CLCA1: variants seen among roughly 807,000 people sequenced by gnomAD.
CLCA1 encodes the protein calcium-activated chloride channel regulator 1.
A neutral mutation model predicts 85.6 loss-of-function variants in CLCA1; 59 were observed. That is an observed-to-expected ratio of 0.69 (90% confidence interval 0.56 to 0.86). The LOEUF (loss-of-function observed/expected upper bound fraction) is 0.86, where lower values mean the gene tolerates loss of function less well. Among genes scored for constraint, CLCA1 ranks in the 40% least tolerant of loss-of-function variants. The pLI, the probability that CLCA1 is intolerant of heterozygous loss-of-function variation, is 0.00. For missense variants in CLCA1, 1,022 were observed against 1,101.4 expected (o/e 0.93, Z 1.02); for synonymous variants, 396 against 398.3 (o/e 0.99, Z 0.07).
chr1:86,498,100 G>A (rs1009156497), intron 12 of CLCA1, among the ~76,000 whole-genome samples: 9 of 150,726 alleles, frequency 6.0e-5, no homozygotes, highest in Admixed American at 1.3e-4. Context: ...CCAAGATTGC[G>A]CCACACCAGC....
chr1:86,499,497 C>A (rs1472380959), intron 13 of CLCA1, among the ~76,000 whole-genome samples, 157 bp from the exon 14 acceptor site: 1 of 152,192 alleles, frequency 6.6e-6, no homozygotes, highest in Non-Finnish European at 1.5e-5. Flanking sequence ...TCCTTGTAAA[C>A]AGGACCATCA....
intron 3 of CLCA1, among the ~76,000 whole-genome samples, chr1:86,476,199 T>C (rs1312103263): frequency 6.6e-6 from 1 of 152,188 alleles, no homozygotes; most frequent in Non-Finnish European, 1.5e-5. Flanking sequence ...TATGTGAGGA[T>C]AGGGCAGCTG....
Position 86,485,602 on chromosome 1 carries a change from G to T in CLCA1, c.954+41G>T, listed in dbSNP as rs372056905. The stretch of plus-strand genomic sequence containing the variant: ...CTTGGTCTTCTGGATGCTGGTCACA[G>T]ATATGCATGTTCTGGACCCTGACTC... On this transcript the variant is annotated intron_variant, in intron 6 of 13. Coordinates refer to ENST00000394711, the MANE Select transcript of CLCA1 (RefSeq NM_001285.4). The T allele has an allele frequency of 6.1e-5, 96 of 1,563,306 alleles. No homozygotes were observed. The Middle Eastern group carries it at 2.9e-3, about 47-fold the overall frequency.
chr1:86,494,916 C>T (rs1211625883), intron 11 of CLCA1, among the ~76,000 whole-genome samples: 4 of 152,032 alleles, frequency 2.6e-5, no homozygotes, highest in African/African-American at 9.7e-5. Context: ...CAAGCACAGT[C>T]CTATATGATT....
chr1:86,476,644 G>C, intron 4 of CLCA1, 91 bp downstream of exon 4: 1 of 556,230 alleles, frequency 1.8e-6, no homozygotes, highest in Non-Finnish European at 3.2e-6. Flanking sequence ...GTGTGTCCTG[G>C]CTTATTTTCT....
intron 8 of CLCA1, among the ~76,000 whole-genome samples, chr1:86,490,323 T>G (rs1026904910): frequency 1.3e-5 from 2 of 152,222 alleles, no homozygotes; most frequent in Non-Finnish European, 2.9e-5. Context: ...TCAACAGCCT[T>G]ACTGAAATTA....
rs1648194887 is a variant in CLCA1, at chr1:86,493,595, C to T, written c.1676C>T (p.Ala559Val). Residue 559 changes from alanine to valine, a missense_variant, in exon 10 of 14, where the codon GCT (alanine) becomes GTT (valine). Coordinates refer to ENST00000394711, the MANE Select transcript of CLCA1 (RefSeq NM_001285.4). ...KMAYLQIPGI[A>V]KVGTWKYSLQ... Reference sequence around the variant, plus strand: ...GCCTACCTCCAAATCCCAGGCATTGCTAAGGTATGGAGTCAGCTTTTTTTC... The same window carrying T: ...GCCTACCTCCAAATCCCAGGCATTGTTAAGGTATGGAGTCAGCTTTTTTTC... 2 of 1,611,228 alleles carry T rather than the reference C, an allele frequency of 1.2e-6. No homozygotes were observed. Among genetic ancestry groups the T allele is most frequent in the South Asian group, 1.1e-5 (1 of 91,020 alleles).
At position 86,499,757 on chromosome 1, in the gene CLCA1, C is replaced by A. The variant is rs1648406255; in HGVS notation, c.2457C>A (p.Ala819=). 1 of 1,613,272 alleles carries A rather than the reference C, an allele frequency of 6.2e-7. No homozygotes were observed. Among genetic ancestry groups the A allele is most frequent in the Admixed American group, 1.7e-5 (1 of 60,014 alleles). The change falls in exon 14 of 14, where the codon GCC becomes GCA. Residue 819 remains alanine, a synonymous_variant. Coordinates refer to ENST00000394711, the MANE Select transcript of CLCA1 (RefSeq NM_001285.4). ...CTACTGCTCTCATCCCAAAGGAAGC[C>A]AACTCTGAGGAAGTCTTTTTGTTTA... ...VNTTALIPKE[A]NSEEVFLFKP...
At chr1:86,488,723 G>A (rs1390849809) in intron 7 of CLCA1, among the ~76,000 whole-genome samples, 2 of 152,138 alleles carry the variant, frequency 1.3e-5, no homozygotes, top group Non-Finnish European at 2.9e-5. Flanking sequence ...CTTCTTTGCT[G>A]TTTCCCCAGT....
chr1:86,494,391 C>T lies in CLCA1; in HGVS notation c.1885C>T (p.Leu629=). The part of the protein sequence containing the change: ...SPILRASVTA[L]IESVNGKTVT... Reference sequence around the variant, plus strand: ...AATTCTCAGGGCCAGTGTCACAGCCCTGATTGAATCAGTGAATGGAAAAAC... The same window carrying T: ...AATTCTCAGGGCCAGTGTCACAGCCTTGATTGAATCAGTGAATGGAAAAAC... Residue 629 remains leucine, a synonymous_variant, in exon 11 of 14, where the codon CTG becomes TTG. Coordinates refer to ENST00000394711, the MANE Select transcript of CLCA1 (RefSeq NM_001285.4). 1.2e-6 allele frequency: 2 copies of T among 1,614,198 alleles called. No homozygotes were observed. The highest frequency in any genetic ancestry group is 1.7e-6 in the Non-Finnish European group (2 of 1,180,020).
At chr1:86,490,878 T>C (rs2791500) in intron 8 of CLCA1, among the ~76,000 whole-genome samples, 61,489 of 134,458 alleles carry the variant, frequency 0.46, 13,508 homozygotes, top group Middle Eastern at 0.56. Flanking sequence ...CCAGCCTGAG[T>C]AACATGGCAA....
In CLCA1 at chr1:86,469,089, G is replaced by A. The variant is rs765003183; in HGVS notation, c.118G>A (p.Asp40Asn). 25 of 1,611,388 alleles carry A rather than the reference G, an allele frequency of 1.6e-5. No homozygotes were observed. Among genetic ancestry groups the A allele is most frequent in the South Asian group, 1.3e-4 (12 of 90,494 alleles). The change falls in exon 1 of 14, where the codon GAC (aspartate) becomes AAC (asparagine). Residue 40 changes from aspartate (D) to asparagine (N), a missense_variant. Physicochemically the swap from Asp to Asn is conservative, Grantham distance 23. Transcript: ENST00000394711. ...NGYEGIVVAI[D>N]PNVPEDETLI... ...CTATGAAGGCATTGTCGTTGCAATC[G>A]ACCCCAATGTGCCAGAAGATGAAAC...
intron 8 of CLCA1, among the ~76,000 whole-genome samples, chr1:86,489,687 A>C (rs1398076551): frequency 6.6e-6 from 1 of 152,230 alleles, no homozygotes; most frequent in Non-Finnish European, 1.5e-5. Context: ...GTTCCTCCAT[A>C]AAACCTTCAC....
chr1:86,495,382 A>G (rs537657184), intron 11 of CLCA1, 123 bp from the exon 12 acceptor site: 334 of 730,892 alleles, frequency 4.6e-4, no homozygotes, highest in Non-Finnish European at 7.0e-4. Context: ...CAAAATCTTA[A>G]GGTCTCTTGG....
At position 86,486,017 on chromosome 1, in the gene CLCA1, G is replaced by GGAGAGAGAGA. The variant is rs35497869; in HGVS notation, c.954+472_954+481dup. Among the ~76,000 whole-genome samples the GGAGAGAGAGA allele has an allele frequency of 8.8e-3, 1,294 of 147,404 alleles. 40 individuals carry two copies. In the East Asian group the frequency reaches 0.13, roughly 15 times the overall value. ...GGCAGGCATGTCTTACATGGCAGCA[G>GGAGAGAGAGA]GAGAGAGAGAGAGAGAGAGAGAGAG... On this transcript the variant is annotated intron_variant, in intron 6 of 13. Coordinates refer to ENST00000394711, the MANE Select transcript of CLCA1 (RefSeq NM_001285.4).
chr1:86,478,267 A>G (rs760995934), intron 4 of CLCA1, among the ~76,000 whole-genome samples: 10 of 152,118 alleles, frequency 6.6e-5, no homozygotes, highest in Non-Finnish European at 8.8e-5. Flanking sequence ...TCTACTAAAA[A>G]TACAAAAAAA....
At chr1:86,497,099 G>A (rs1648311995) in intron 12 of CLCA1, among the ~76,000 whole-genome samples, 1 of 152,208 alleles carries the variant, frequency 6.6e-6, no homozygotes, top group Non-Finnish European at 1.5e-5. Context: ...CTAGCCTTAT[G>A]GCAGCATTTT....
Position 86,499,935 on chromosome 1 carries a change from G to A in CLCA1, c.2635G>A (p.Glu879Lys). Residue 879 changes from glutamate to lysine, a missense_variant, in exon 14 of 14, where the codon GAA (glutamate) becomes AAA (lysine). By Grantham distance (56) the Glu-to-Lys change is moderately conservative. Coordinates refer to ENST00000394711, the MANE Select transcript of CLCA1 (RefSeq NM_001285.4). Reference sequence around the variant, plus strand: ...TCCGCCAGAGACACCTAGTCCTGATGAAACGTCTGCTCCTTGTCCTAATAT... The same window carrying A: ...TCCGCCAGAGACACCTAGTCCTGATAAAACGTCTGCTCCTTGTCCTAATAT... Reference protein sequence around the residue: ...QTPPETPSPDETSAPCPNIHI... With the variant: ...QTPPETPSPDKTSAPCPNIHI... 1 of 1,613,750 alleles carries A rather than the reference G, an allele frequency of 6.2e-7. No individual in the cohort carries two copies. Among genetic ancestry groups the A allele is most frequent in the Non-Finnish European group, 8.5e-7 (1 of 1,179,654 alleles).
chr1:86,480,603 G>A (rs1269851577), intron 4 of CLCA1, among the ~76,000 whole-genome samples: 2 of 151,888 alleles, frequency 1.3e-5, no homozygotes, highest in African/African-American at 4.8e-5. Context: ...TTCTAGCCTG[G>A]GCAACAAGAG....
Sources: gnomAD v4.1 joint callset for allele counts (sites outside exome capture counted in the v4.1 genomes callset) on GRCh38, gnomAD v4.1.1 for gene constraint, MANE v1.5 for transcripts, NCBI Gene and HGNC (gene_info 2026-07-23, HGNC 2026-07-21) for gene names.